Variants in HECW2 observed in about 807,000 individuals in gnomAD.
HECW2 encodes E3 ubiquitin-protein ligase HECW2.
Under a neutral mutation model 175.2 loss-of-function variants are expected in HECW2, and 61 were observed. That is an observed-to-expected ratio of 0.35 (90% CI 0.28 to 0.43). HECW2 has a LOEUF of 0.43. HECW2 is among the 20% of genes least tolerant of loss of function. The probability of loss-of-function intolerance (pLI) is 1.00; values close to 1 mark genes in which losing one functional copy is unlikely to be tolerated. For synonymous variants in HECW2, 671 were observed against 731.0 expected, an observed-to-expected ratio of 0.92 and a Z score of 1.32; for missense variants, 1,524 against 2,000.5, an observed-to-expected ratio of 0.76 and a Z score of 4.54.
At chr2:196,521,981 C>T (rs1226216340) in intron 1 of HECW2, among the ~76,000 whole-genome samples, 1 of 152,074 alleles carries the variant, frequency 6.6e-6, no homozygotes, top group Non-Finnish European at 1.5e-5. Flanking sequence ...GATTTATAGT[C>T]CTTTGGGTAT....
At chr2:196,353,594 A>C (rs1471770505) in intron 2 of HECW2, among the ~76,000 whole-genome samples, 2 of 152,232 alleles carry the variant, frequency 1.3e-5, no homozygotes, top group Non-Finnish European at 2.9e-5. Context: ...GCCTAGGTAC[A>C]TAGGGGCGAA....
At chr2:196,266,939 C>G (rs1266516709) in intron 17 of HECW2, among the ~76,000 whole-genome samples, 1 of 152,144 alleles carries the variant, frequency 6.6e-6, no homozygotes, top group South Asian at 2.1e-4. Flanking sequence ...AGACACATAT[C>G]CATTTGCCTT....
intron 14 of HECW2, among the ~76,000 whole-genome samples, chr2:196,282,087 T>C (rs1690210123): frequency 6.6e-6 from 1 of 152,188 alleles, no homozygotes; most frequent in African/African-American, 2.4e-5. Flanking sequence ...GATCACAGTG[T>C]TTCTTGCTAA....
At chr2:196,386,716 C>A (rs1694361940) in intron 2 of HECW2, among the ~76,000 whole-genome samples, 1 of 152,156 alleles carries the variant, frequency 6.6e-6, no homozygotes, top group Non-Finnish European at 1.5e-5. Flanking sequence ...ATTTCTGGCA[C>A]AATCCCCAGT....
chr2:196,434,415 C>T (rs1695810638), intron 1 of HECW2, among the ~76,000 whole-genome samples: 1 of 152,116 alleles, frequency 6.6e-6, no homozygotes, highest in African/African-American at 2.4e-5. Flanking sequence ...AAGCTATTTC[C>T]TTTGGTTCCA....
intron 15 of HECW2, among the ~76,000 whole-genome samples, chr2:196,277,315 T>C (rs990389616): frequency 5.9e-5 from 9 of 152,186 alleles, no homozygotes; most frequent in African/African-American, 2.2e-4. Flanking sequence ...AGTATATAAA[T>C]CAACTCTCTC....
chr2:196,386,185 A>G (rs899915786), intron 2 of HECW2, among the ~76,000 whole-genome samples: 4 of 152,232 alleles, frequency 2.6e-5, no homozygotes, highest in African/African-American at 9.6e-5. Context: ...TGGAGCTTAC[A>G]TTCTAGCGGG....
At chr2:196,563,438 C>A (rs912047043) in intron 1 of HECW2, among the ~76,000 whole-genome samples, 1 of 151,520 alleles carries the variant, frequency 6.6e-6, no homozygotes, top group African/African-American at 2.4e-5. Context: ...TGGTGGCGGA[C>A]ACCTGTAATC....
At chr2:196,455,284 A>C (rs1015958936) in intron 1 of HECW2, among the ~76,000 whole-genome samples, 3 of 152,210 alleles carry the variant, frequency 2.0e-5, no homozygotes, top group African/African-American at 7.2e-5. Flanking sequence ...TGCCCACCTC[A>C]GCCTCCCAGA....
intron 1 of HECW2, among the ~76,000 whole-genome samples, chr2:196,570,662 T>C (rs1690353282): frequency 6.6e-6 from 1 of 152,208 alleles, no homozygotes; most frequent in Non-Finnish European, 1.5e-5. Context: ...GTAGCAAACC[T>C]GCATGTTGTG....
At chr2:196,205,741 GC>G (rs570983490) in intron 28 of HECW2, among the ~76,000 whole-genome samples, 78 of 152,268 alleles carry the variant, frequency 5.1e-4, no homozygotes, top group African/African-American at 1.7e-3. Flanking sequence ...TTTGGGGTGG[GC>G]CTGGGGGAAT....
chr2:196,225,748 T>C (rs774945916), intron 23 of HECW2, 24 bp downstream of exon 23: 2 of 1,387,150 alleles, frequency 1.4e-6, no homozygotes, highest in South Asian at 1.2e-5. Context: ...ATGCTAATTA[T>C]GCAGGCAATA....
At chr2:196,227,358 T>C (rs1687888737) in intron 22 of HECW2, among the ~76,000 whole-genome samples, 1 of 152,162 alleles carries the variant, frequency 6.6e-6, no homozygotes, top group Admixed American at 6.5e-5. Context: ...ATGCAGAGAT[T>C]TAAAAAAGAT....
At chr2:196,539,993 T>A (rs1422215436) in intron 1 of HECW2, among the ~76,000 whole-genome samples, 2 of 152,212 alleles carry the variant, frequency 1.3e-5, no homozygotes, top group East Asian at 3.8e-4. Context: ...GGACAGCGGA[T>A]GAATGAGCAG....
At chr2:196,263,085 A>G (rs1319148173) in intron 17 of HECW2, 2 of 152,116 alleles carry the variant, frequency 1.3e-5, no homozygotes, top group Non-Finnish European at 2.9e-5. Context: ...CCAATGTCCA[A>G]TTATTTACTA....
chr2:196,581,943 G>A (rs1397452289), intron 1 of HECW2, among the ~76,000 whole-genome samples: 4 of 151,974 alleles, frequency 2.6e-5, no homozygotes, highest in African/African-American at 9.7e-5. Context: ...GTGGGAGCCT[G>A]TAGTCCCAGC....
At chr2:196,386,906 C>A (rs566344480) in intron 2 of HECW2, among the ~76,000 whole-genome samples, 1 of 152,226 alleles carries the variant, frequency 6.6e-6, no homozygotes, top group East Asian at 1.9e-4. Flanking sequence ...TTTGCTAGAA[C>A]TAAATCACAA....
At chr2:196,493,545 G>A (rs1687275924) in intron 1 of HECW2, among the ~76,000 whole-genome samples, 1 of 152,138 alleles carries the variant, frequency 6.6e-6, no homozygotes, top group Admixed American at 6.5e-5. Context: ...GCAGTATGAT[G>A]TAACTCTCAC....
At chr2:196,226,858 T>G (rs989889611) in intron 22 of HECW2, among the ~76,000 whole-genome samples, 1 of 152,228 alleles carries the variant, frequency 6.6e-6, no homozygotes, top group Non-Finnish European at 1.5e-5. Flanking sequence ...CATTCTGTTC[T>G]CTAAAATTTC....
Sources: allele counts gnomAD v4.1 joint callset (sites outside exome capture counted in the v4.1 genomes callset), GRCh38; gene constraint gnomAD v4.1.1; transcripts MANE v1.5; gene names NCBI Gene and HGNC (gene_info 2026-07-23, HGNC 2026-07-21).